The following BBS9 variants were observed in gnomAD, a reference collection of about 807,000 sequenced individuals.
BBS9 encodes the protein protein PTHB1.
A neutral mutation model predicts 117.7 loss-of-function variants in BBS9; 89 were observed. That is an observed-to-expected ratio of 0.76 (90% CI 0.64 to 0.90). BBS9 has a LOEUF of 0.90. Ranked by LOEUF, BBS9 falls within the 40% of genes least tolerant of loss-of-function variation. The pLI, the probability that BBS9 is intolerant of heterozygous loss-of-function variation, is 0.00. For synonymous variants in BBS9, 379 were observed against 370.9 expected, an observed-to-expected ratio of 1.02 and a Z score of -0.25; for missense variants, 982 against 1,042.2, an observed-to-expected ratio of 0.94 and a Z score of 0.80.
chr7:33,507,129 C>T (rs1343588236), intron 20 of BBS9, among the ~76,000 whole-genome samples: 1 of 152,180 alleles, frequency 6.6e-6, no homozygotes, highest in Non-Finnish European at 1.5e-5. Flanking sequence ...GAGATAATTA[C>T]ATAGAGTGCT....
At chr7:33,274,776 T>C (rs76727548) in intron 9 of BBS9, among the ~76,000 whole-genome samples, 11 of 151,942 alleles carry the variant, frequency 7.2e-5, no homozygotes, top group African/African-American at 2.4e-4. Flanking sequence ...GGTTGGATCA[T>C]CTGAGGTCAG....
chr7:33,396,667 T>C (rs1213574254), intron 19 of BBS9, among the ~76,000 whole-genome samples: 1 of 152,146 alleles, frequency 6.6e-6, no homozygotes, highest in Non-Finnish European at 1.5e-5. Flanking sequence ...AAAATTCGTA[T>C]GGAACCAAAA....
intron 19 of BBS9, among the ~76,000 whole-genome samples, chr7:33,392,804 GT>G (rs1294537901): frequency 1.3e-5 from 2 of 152,130 alleles, no homozygotes; most frequent in Non-Finnish European, 2.9e-5. Context: ...CTCATAAGCA[GT>G]TGTAGTCTAT....
At chr7:33,361,733 A>C (rs1249409493) in intron 16 of BBS9, among the ~76,000 whole-genome samples, 1 of 151,892 alleles carries the variant, frequency 6.6e-6, no homozygotes, top group East Asian at 1.9e-4. Flanking sequence ...AAAATTTCTT[A>C]ATTACTTTCT....
chr7:33,565,479 A>G (rs758095809), intron 21 of BBS9, among the ~76,000 whole-genome samples: 39 of 152,232 alleles, frequency 2.6e-4, no homozygotes, highest in Non-Finnish European at 4.7e-4. Flanking sequence ...CAATAAGTCT[A>G]TGTAGTCAAC....
At chr7:33,138,737 G>A (rs1448588076) in intron 1 of BBS9, among the ~76,000 whole-genome samples, 1 of 150,802 alleles carries the variant, frequency 6.6e-6, no homozygotes, top group Non-Finnish European at 1.5e-5. Context: ...GGGCTCTAGT[G>A]GAGACTGGCT....
intron 11 of BBS9, among the ~76,000 whole-genome samples, chr7:33,343,591 C>T (rs577046280): frequency 7.9e-5 from 12 of 152,044 alleles, no homozygotes; most frequent in African/African-American, 9.7e-5. Context: ...CTCCGCCTCC[C>T]GGGTTCAAGC....
At chr7:33,292,242 C>T (rs1161644717) in intron 9 of BBS9, among the ~76,000 whole-genome samples, 6 of 151,380 alleles carry the variant, frequency 4.0e-5, no homozygotes, top group African/African-American at 1.2e-4. Flanking sequence ...TTTTTTTTCC[C>T]CCTGAGACAA....
intron 19 of BBS9, among the ~76,000 whole-genome samples, chr7:33,423,314 G>T (rs941498889): frequency 3.3e-5 from 5 of 152,062 alleles, no homozygotes; most frequent in Non-Finnish European, 7.4e-5. Context: ...GGGGAGGCAT[G>T]TATCACCTTG....
chr7:33,538,861 G>C (rs1406209452), intron 21 of BBS9, among the ~76,000 whole-genome samples: 1 of 151,436 alleles, frequency 6.6e-6, no homozygotes, highest in Non-Finnish European at 1.5e-5. Context: ...TCCATAGCTA[G>C]GTTGGCCAGT....
chr7:33,202,001 T>C (rs1432512280), intron 5 of BBS9, among the ~76,000 whole-genome samples: 2 of 152,202 alleles, frequency 1.3e-5, no homozygotes, highest in Non-Finnish European at 2.9e-5. Flanking sequence ...GCCTCCATAG[T>C]TGAGTGAGTT....
At chr7:33,287,224 C>T (rs1339576585) in intron 9 of BBS9, among the ~76,000 whole-genome samples, 1 of 152,166 alleles carries the variant, frequency 6.6e-6, no homozygotes, top group Non-Finnish European at 1.5e-5. Context: ...TTGCTATGCA[C>T]TAGCATCATT....
chr7:33,552,437 G>A (rs1854587875), intron 21 of BBS9, among the ~76,000 whole-genome samples: 1 of 152,004 alleles, frequency 6.6e-6, no homozygotes. Flanking sequence ...CCCTCCACCA[G>A]CCCTTGGTGC....
chr7:33,549,041 A>G (rs1853909853), intron 21 of BBS9, among the ~76,000 whole-genome samples: 1 of 150,700 alleles, frequency 6.6e-6, no homozygotes, highest in Admixed American at 6.6e-5. Context: ...ACAAGGCTAC[A>G]GTAACCAAAA....
intron 2 of BBS9, among the ~76,000 whole-genome samples, chr7:33,150,915 G>T (rs1410020838): frequency 6.6e-6 from 1 of 152,152 alleles, no homozygotes; most frequent in Non-Finnish European, 1.5e-5. Flanking sequence ...GGAGTCACAT[G>T]GCAGATTAGC....
At chr7:33,408,677 G>T (rs1027328215) in intron 19 of BBS9, among the ~76,000 whole-genome samples, 8 of 152,118 alleles carry the variant, frequency 5.3e-5, no homozygotes, top group Non-Finnish European at 8.8e-5. Flanking sequence ...TGAACATATG[G>T]GTGCATGTCT....
intron 15 of BBS9, among the ~76,000 whole-genome samples, chr7:33,355,144 T>C (rs1003754298): frequency 2.0e-4 from 30 of 152,024 alleles, no homozygotes; most frequent in African/African-American, 6.8e-4. Flanking sequence ...TGCTAGCAAC[T>C]GTGAAAAGTC....
At chr7:33,226,051 T>C (rs936924450) in intron 5 of BBS9, among the ~76,000 whole-genome samples, 1 of 152,202 alleles carries the variant, frequency 6.6e-6, no homozygotes, top group Non-Finnish European at 1.5e-5. Flanking sequence ...ACACTCCCTT[T>C]AGTAATAATG....
rs62451188 is a variant in BBS9 at position 33,409,224 on chromosome 7, G to A, written c.2115+21080G>A. On this transcript the variant is annotated intron_variant, in intron 19 of 22. Coordinates refer to ENST00000242067, the MANE Select transcript of BBS9 (RefSeq NM_198428.3). ...TGTTTGAGGACTTAGGCATAAATTC[G>A]TTGCCACAGCTGATATTGAGAAGTG... is the stretch of plus-strand genomic sequence containing the variant. Among the ~76,000 whole-genome samples, 1,146 of 152,226 alleles carry A rather than the reference G, an allele frequency of 7.5e-3. 9 individuals are homozygous for A. Among genetic ancestry groups the A allele is most frequent in the Non-Finnish European group, 0.01 (706 of 68,000 alleles).
Sources: gnomAD v4.1 joint callset for allele counts (sites outside exome capture counted in the v4.1 genomes callset) on GRCh38, gnomAD v4.1.1 for gene constraint, MANE v1.5 for transcripts, NCBI Gene and HGNC (gene_info 2026-07-23, HGNC 2026-07-21) for gene names.